The following PTPRD variants were observed in gnomAD, a reference collection of about 807,000 sequenced individuals.
The protein encoded by PTPRD is receptor-type tyrosine-protein phosphatase delta.
PTPRD carries 34 observed loss-of-function variants against 214.5 expected under a neutral mutation model. The ratio of observed to expected loss-of-function variants is 0.16; its 90% CI spans 0.12 to 0.21. PTPRD has a LOEUF of 0.21. Among genes scored for constraint, PTPRD ranks in the 10% least tolerant of loss-of-function variants. The probability of loss-of-function intolerance (pLI) is 1.00; values close to 1 mark genes in which losing one functional copy is unlikely to be tolerated. For missense variants in PTPRD, 2,545 were observed against 2,398.7 expected, an observed-to-expected ratio of 1.06 and a Z score of -1.27; for synonymous variants, 1,128 against 845.7, an observed-to-expected ratio of 1.33 and a Z score of -5.79.
intron 5 of PTPRD, among the ~76,000 whole-genome samples, chr9:9,921,763 A>C (rs891069279): frequency 1.3e-5 from 2 of 151,888 alleles, no homozygotes; most frequent in African/African-American, 4.8e-5. Flanking sequence ...AAAAAAAAAA[A>C]AACTAAAGAT....
Position 10,162,654 on chromosome 9 carries a change from T to C in PTPRD, c.-544-128864A>G, listed in dbSNP as rs2099134415. Among the ~76,000 whole-genome samples, 3 of 147,420 alleles carry C rather than the reference T, an allele frequency of 2.0e-5. No homozygotes were observed. In the South Asian group the frequency reaches 6.4e-4, roughly 32 times the overall value. On this transcript the variant is annotated intron_variant, in intron 3 of 45. Transcript: ENST00000381196. Reference sequence around the variant, plus strand: ...ATGTATATAAACATATATATACACATATATACATGTATATGTATATACATG... The same window carrying C: ...ATGTATATAAACATATATATACACACATATACATGTATATGTATATACATG...
chr9:10,510,162 A>C (rs1382756935), intron 2 of PTPRD, among the ~76,000 whole-genome samples: 1 of 152,122 alleles, frequency 6.6e-6, no homozygotes, highest in African/African-American at 2.4e-5. Flanking sequence ...ATATGAAGTC[A>C]AATGTCAATT....
chr9:9,256,867 C>T (rs918308486), intron 9 of PTPRD, among the ~76,000 whole-genome samples: 1 of 152,022 alleles, frequency 6.6e-6, no homozygotes, highest in African/African-American at 2.4e-5. Flanking sequence ...TGCCTAAACT[C>T]TGTTGACATC....
intron 2 of PTPRD, among the ~76,000 whole-genome samples, chr9:10,460,182 A>G (rs1301690285): frequency 6.6e-6 from 1 of 152,104 alleles, no homozygotes; most frequent in Non-Finnish European, 1.5e-5. Context: ...CAAGGAGGTG[A>G]AAGACCCGTA....
intron 5 of PTPRD, among the ~76,000 whole-genome samples, chr9:9,893,583 C>T (rs10978069): frequency 6.6e-6 from 1 of 151,936 alleles, no homozygotes; most frequent in African/African-American, 2.4e-5. Flanking sequence ...AACTGAATAG[C>T]TAGTATTGAA....
intron 39 of PTPRD, among the ~76,000 whole-genome samples, chr9:8,345,808 T>C (rs1857027042): frequency 6.6e-6 from 1 of 152,026 alleles, no homozygotes; most frequent in South Asian, 2.1e-4. Context: ...CTCAGTATGT[T>C]TCGTTTTGTT....
At chr9:9,370,483 G>T (rs2059157737) in intron 9 of PTPRD, among the ~76,000 whole-genome samples, 1 of 151,298 alleles carries the variant, frequency 6.6e-6, no homozygotes, top group South Asian at 2.1e-4. Flanking sequence ...CTTTGCTGAA[G>T]TTGCTTATCT....
At chr9:9,758,184 C>CTTTTTTTTT (rs34736489) in intron 6 of PTPRD, among the ~76,000 whole-genome samples, 1 of 144,132 alleles carries the variant, frequency 6.9e-6, no homozygotes. Flanking sequence ...CCTTAGCAGA[C>CTTTTTTTTT]TTTTTTTTTT....
rs868041997 is a variant in PTPRD, at chr9:9,180,341, G to A, written c.-143+2963C>T. Reference sequence around the variant, plus strand: ...AAACCATCATTCTCAGCAAACTATCGCAAGGACAAAAAACCAAATACCGCA... The same window carrying A: ...AAACCATCATTCTCAGCAAACTATCACAAGGACAAAAAACCAAATACCGCA... On this transcript the variant is annotated intron_variant, in intron 10 of 45. Coordinates refer to ENST00000381196, the MANE Select transcript of PTPRD (RefSeq NM_002839.4). Among the ~76,000 whole-genome samples the A allele has an allele frequency of 5.3e-5, 8 of 150,702 alleles. No individual in the cohort carries two copies. The South Asian group carries it at 8.5e-4, about 16-fold the overall frequency.
intron 7 of PTPRD, among the ~76,000 whole-genome samples, chr9:9,595,299 T>TGC (rs1563936011): frequency 1.1e-5 from 1 of 87,950 alleles, no homozygotes; most frequent in African/African-American, 4.2e-5. Context: ...TATATATATA[T>TGC]ATATATATAT....
intron 11 of PTPRD, among the ~76,000 whole-genome samples, chr9:8,940,276 T>A (rs2099023453): frequency 1.2e-5 from 1 of 81,114 alleles, no homozygotes; most frequent in Non-Finnish European, 2.4e-5. Context: ...TCTCTCTCTC[T>A]CTCCTTTTTT....
At chr9:10,134,342 G>C (rs1592026732) in intron 3 of PTPRD, among the ~76,000 whole-genome samples, 1 of 152,166 alleles carries the variant, frequency 6.6e-6, no homozygotes, top group African/African-American at 2.4e-5. Flanking sequence ...CCAGTGATTT[G>C]GGAGTCCCTA....
intron 12 of PTPRD, among the ~76,000 whole-genome samples, chr9:8,676,793 C>T (rs949687744): frequency 6.6e-5 from 10 of 152,104 alleles, no homozygotes; most frequent in African/African-American, 2.2e-4. Context: ...AAGCTGGTCT[C>T]GAACTCCTGA....
At chr9:10,394,145 T>C (rs2098125385) in intron 2 of PTPRD, among the ~76,000 whole-genome samples, 1 of 145,840 alleles carries the variant, frequency 6.9e-6, no homozygotes, top group Non-Finnish European at 1.5e-5. Context: ...TATATAAAGA[T>C]ATCTATATAT....
chr9:9,554,737 G>T (rs2081108905), intron 8 of PTPRD, among the ~76,000 whole-genome samples: 1 of 152,100 alleles, frequency 6.6e-6, no homozygotes, highest in Admixed American at 6.6e-5. Context: ...AAAAAGAATT[G>T]CAGAGGAAAC....
intron 3 of PTPRD, among the ~76,000 whole-genome samples, chr9:10,214,558 G>T (rs144763890): frequency 6.6e-6 from 1 of 150,640 alleles, no homozygotes; most frequent in African/African-American, 2.4e-5. Flanking sequence ...ATACACACCC[G>T]AGCTATTGCA....
At chr9:10,233,896 A>G (rs564857960) in intron 3 of PTPRD, among the ~76,000 whole-genome samples, 1 of 151,916 alleles carries the variant, frequency 6.6e-6, no homozygotes, top group Non-Finnish European at 1.5e-5. Context: ...CAAAAGTTTT[A>G]CCTTTAATTG....
At chr9:10,393,072 C>A (rs2098101458) in intron 2 of PTPRD, among the ~76,000 whole-genome samples, 1 of 151,770 alleles carries the variant, frequency 6.6e-6, no homozygotes, top group Non-Finnish European at 1.5e-5. Flanking sequence ...ATGCTCACTC[C>A]TTAGCCTTTC....
At chr9:10,128,963 T>C (rs2098839258) in intron 3 of PTPRD, among the ~76,000 whole-genome samples, 1 of 152,140 alleles carries the variant, frequency 6.6e-6, no homozygotes, top group Admixed American at 6.6e-5. Context: ...CAACATAAAA[T>C]AACTGTAGTA....
Sources: allele counts gnomAD v4.1 joint callset (sites outside exome capture counted in the v4.1 genomes callset), GRCh38; gene constraint gnomAD v4.1.1; transcripts MANE v1.5; gene names NCBI Gene and HGNC (gene_info 2026-07-23, HGNC 2026-07-21).